The following MLIP variants were observed in gnomAD, a reference collection of about 807,000 sequenced individuals.
MLIP encodes the protein muscular LMNA-interacting protein.
Under a neutral mutation model 84.8 loss-of-function variants are expected in MLIP, and 79 were observed. The observed-to-expected ratio is 0.93, with a 90% CI of 0.78 to 1.12. MLIP has a LOEUF of 1.12. Ranked by LOEUF, MLIP falls within the 50% of genes most tolerant of loss-of-function variation. MLIP has a pLI of 0.00. For missense variants in MLIP, 1,257 were observed against 1,160.6 expected, an observed-to-expected ratio of 1.08 and a Z score of -1.21; for synonymous variants, 504 against 463.0, an observed-to-expected ratio of 1.09 and a Z score of -1.14.
At chr6:54,260,278 CA>C (rs57668007) in intron 13 of MLIP, among the ~76,000 whole-genome samples, 28,740 of 148,242 alleles carry the variant, frequency 0.19, 4,077 homozygotes, top group African/African-American at 0.4. Context: ...GGAACTAACT[CA>C]AAAAAAAAAA....
intron 12 of MLIP, among the ~76,000 whole-genome samples, chr6:54,249,985 C>A (rs79908470): frequency 4.0e-5 from 6 of 151,834 alleles, no homozygotes; most frequent in Non-Finnish European, 8.8e-5. Context: ...GTGTCTGTTC[C>A]CTTTTATGTG....
At chr6:54,023,471 CTT>C (rs1763623545) in intron 1 of MLIP, among the ~76,000 whole-genome samples, 1 of 151,964 alleles carries the variant, frequency 6.6e-6, no homozygotes, top group African/African-American at 2.4e-5. Context: ...GAGCGAAAGA[CTT>C]ATCCAATGAT....
intron 1 of MLIP, among the ~76,000 whole-genome samples, chr6:54,096,034 CA>C (rs1301359208): frequency 1.3e-5 from 2 of 152,044 alleles, no homozygotes; most frequent in Non-Finnish European, 2.9e-5. Context: ...TTCTGCACAA[CA>C]AAAAACTTAT....
At chr6:54,124,381 T>C (rs958579001) in intron 2 of MLIP, 92 bp from the exon 3 acceptor site, 31 of 1,171,262 alleles carry the variant, frequency 2.6e-5, no homozygotes, top group Admixed American at 1.4e-4. Flanking sequence ...TTTTTGAAAA[T>C]ATAAGGAGGT....
Position 54,082,647 on chromosome 6 carries a change from C to T in MLIP, c.64-38800C>T, listed in dbSNP as rs77509198. On this transcript the variant is annotated intron_variant, in intron 1 of 12. Coordinates refer to the MLIP transcript ENST00000274897. The stretch of plus-strand genomic sequence containing the variant: ...CCCTTTAGCAATATGGGACCTGTTG[C>T]TCCACATTCTCACTAGCATTTGGTA... 6.6e-3 allele frequency among the ~76,000 whole-genome samples: 1,001 copies of T among 152,296 alleles called. 12 individuals carry two copies. Among genetic ancestry groups the T allele is most frequent in the African/African-American group, 0.023 (943 of 41,566 alleles).
intron 9 of MLIP, among the ~76,000 whole-genome samples, chr6:54,179,956 C>G (rs1170495329): frequency 6.6e-6 from 1 of 152,038 alleles, no homozygotes; most frequent in Non-Finnish European, 1.5e-5. Context: ...ATTGAAGAGC[C>G]CTCTTTAGCA....
intron 1 of MLIP, among the ~76,000 whole-genome samples, chr6:54,104,630 C>T (rs924637485): frequency 6.6e-6 from 1 of 152,188 alleles, no homozygotes; most frequent in African/African-American, 2.4e-5. Flanking sequence ...CAGAGAACGT[C>T]TCCTGATCTT....
At chr6:54,197,788 T>A (rs561419641) in intron 10 of MLIP, among the ~76,000 whole-genome samples, 1 of 152,210 alleles carries the variant, frequency 6.6e-6, no homozygotes, top group East Asian at 1.9e-4. Context: ...GTAATATTGC[T>A]GAACAATGAC....
At chr6:54,074,535 C>G (rs1766676594) in intron 1 of MLIP, among the ~76,000 whole-genome samples, 1 of 152,092 alleles carries the variant, frequency 6.6e-6, no homozygotes, top group African/African-American at 2.4e-5. Context: ...GTAAGAAGGT[C>G]AGCAAATAAG....
chr6:54,092,794 C>T (rs1163765224), intron 1 of MLIP, among the ~76,000 whole-genome samples: 2 of 152,122 alleles, frequency 1.3e-5, no homozygotes, highest in Non-Finnish European at 2.9e-5. Context: ...GAATTATAGT[C>T]CCATTGACTT....
At chr6:54,248,474 G>A (rs568885347) in intron 12 of MLIP, among the ~76,000 whole-genome samples, 1 of 152,050 alleles carries the variant, frequency 6.6e-6, no homozygotes, top group Non-Finnish European at 1.5e-5. Flanking sequence ...GAATGGTGTA[G>A]TTAATCCCCT....
chr6:54,217,871 G>GTTCATT, intron 11 of MLIP: 1 of 985,306 alleles, frequency 1.0e-6, no homozygotes, highest in Non-Finnish European at 1.2e-6. Context: ...ATAGAGTGAT[G>GTTCATT]TTCATTTTCA....
intron 9 of MLIP, among the ~76,000 whole-genome samples, chr6:54,189,504 G>A (rs992309369): frequency 6.6e-6 from 1 of 152,052 alleles, no homozygotes; most frequent in Non-Finnish European, 1.5e-5. Flanking sequence ...AAATAGCAAC[G>A]ATGCTGGTAT....
intron 13 of MLIP, among the ~76,000 whole-genome samples, chr6:54,265,362 C>G (rs1339377777): frequency 6.6e-6 from 1 of 152,060 alleles, no homozygotes; most frequent in African/African-American, 2.4e-5. Flanking sequence ...CATATAGGAA[C>G]AGAGAGACTG....
chr6:54,118,934 C>T (rs913246632), intron 1 of MLIP, among the ~76,000 whole-genome samples: 16 of 152,142 alleles, frequency 1.1e-4, no homozygotes, highest in African/African-American at 3.9e-4. Flanking sequence ...AAATGATGCT[C>T]ATAATGAAAA....
At chr6:54,041,433 T>C (rs1424331845) in intron 1 of MLIP, among the ~76,000 whole-genome samples, 2 of 152,016 alleles carry the variant, frequency 1.3e-5, no homozygotes, top group African/African-American at 4.8e-5. Context: ...ATTTCCAGGG[T>C]AAATAACTAG....
At chr6:54,232,261 A>G (rs954340641) in intron 12 of MLIP, among the ~76,000 whole-genome samples, 1 of 152,146 alleles carries the variant, frequency 6.6e-6, no homozygotes, top group African/African-American at 2.4e-5. Context: ...TGATAAGGTT[A>G]TGATTTAATT....
chr6:54,229,058 G>T (rs1780798726), intron 11 of MLIP, among the ~76,000 whole-genome samples: 1 of 152,132 alleles, frequency 6.6e-6, no homozygotes, highest in African/African-American at 2.4e-5. Flanking sequence ...AATGTTAGAG[G>T]CATTAACCAA....
intron 1 of MLIP, among the ~76,000 whole-genome samples, chr6:54,095,792 T>C (rs1024448703): frequency 6.6e-6 from 1 of 152,148 alleles, no homozygotes; most frequent in Non-Finnish European, 1.5e-5. Flanking sequence ...GAATCTCTGT[T>C]CTCAGTTTGA....
Sources: allele counts gnomAD v4.1 joint callset (sites outside exome capture counted in the v4.1 genomes callset), GRCh38; gene constraint gnomAD v4.1.1; transcripts MANE v1.5; gene names NCBI Gene and HGNC (gene_info 2026-07-23, HGNC 2026-07-21).